Variants in STK33 observed in about 807,000 individuals in gnomAD.
The protein encoded by STK33 is serine/threonine-protein kinase 33.
STK33 carries 52 observed loss-of-function variants against 58.0 expected under a neutral mutation model. The ratio of observed to expected loss-of-function variants is 0.90; its 90% CI spans 0.72 to 1.13. STK33 has a LOEUF of 1.13. STK33 is among the 50% of genes most tolerant of loss of function. The probability of loss-of-function intolerance (pLI) is 0.00; values close to 1 mark genes in which losing one functional copy is unlikely to be tolerated. For missense variants in STK33, 630 were observed against 604.2 expected, an observed-to-expected ratio of 1.04 and a Z score of -0.45; for synonymous variants, 215 against 200.1, an observed-to-expected ratio of 1.07 and a Z score of -0.63.
rs1156835375 is a variant in STK33 at position 8,455,810 on chromosome 11, CAAAAAAAA to C, written c.698-986_698-979del. Among the ~76,000 whole-genome samples the C allele has an allele frequency of 6.5e-3, 306 of 47,132 alleles. 4 individuals carry two copies. Among genetic ancestry groups the C allele is most frequent in the African/African-American group, 0.024 (294 of 12,410 alleles). 30.9% of individuals were successfully genotyped at this position (47,132 alleles called of 152,430 possible). A position where few individuals can be genotyped will look rare whatever the true frequency, so the allele number is the denominator to read the frequency against. On this transcript the variant is annotated intron_variant, in intron 9 of 15. Coordinates refer to ENST00000687296, the MANE Select transcript of STK33 (RefSeq NM_001352389.2). ...TGGGTAACAGAGAGAGACTCTGTCTCAAAAAAAAAAAAAAAAAAAAAAAAAAGTTACAC... is the reference window on the plus strand; with the variant it reads ...TGGGTAACAGAGAGAGACTCTGTCTCAAAAAAAAAAAAAAAAAAGTTACAC...
intron 15 of STK33, among the ~76,000 whole-genome samples, chr11:8,411,726 G>C (rs1038894087): frequency 2.6e-5 from 4 of 152,092 alleles, no homozygotes; most frequent in Non-Finnish European, 5.9e-5. Flanking sequence ...TGTTACCCAC[G>C]GCCCAGCCTT....
chr11:8,580,694 C>A (rs1343853638), intron 1 of STK33: 1 of 152,142 alleles, frequency 6.6e-6, no homozygotes, highest in Non-Finnish European at 1.5e-5. Flanking sequence ...GATGTGATTA[C>A]TATGCATTGC....
intron 14 of STK33, among the ~76,000 whole-genome samples, chr11:8,415,351 T>C (rs952386701): frequency 6.6e-6 from 1 of 152,160 alleles, no homozygotes; most frequent in Non-Finnish European, 1.5e-5. Context: ...TGGTAGAGTT[T>C]CACTTCTCTA....
chr11:8,418,706 C>T (rs540887710), intron 14 of STK33, among the ~76,000 whole-genome samples: 75 of 152,210 alleles, frequency 4.9e-4, no homozygotes, highest in African/African-American at 1.8e-3. Context: ...TTACACTCCA[C>T]GCAACAGTGT....
the STK33 span, among the ~76,000 whole-genome samples, chr11:8,359,341 G>C: frequency 1.3e-5 from 2 of 152,228 alleles, no homozygotes; most frequent in Admixed American, 6.5e-5. Context: ...GTGTTTTCTT[G>C]ATGGGCCCCA....
Position 8,473,221 on chromosome 11 carries a change from C to T in STK33, c.281G>A (p.Gly94Asp). The part of the protein sequence containing the change: ...RKASQQQWGR[G>D]NFTEGKVPHI... ...AGGAACTTTTCCTTCTGTAAAGTTGCCCCGACCCCATTGTTGCTGAGATGC... is the reference window on the plus strand; with the variant it reads ...AGGAACTTTTCCTTCTGTAAAGTTGTCCCGACCCCATTGTTGCTGAGATGC... Residue 94 changes from glycine (G) to aspartate (D), a missense_variant, in exon 6 of 16, where the codon GGC becomes GAC. Coordinates refer to ENST00000687296, the MANE Select transcript of STK33 (RefSeq NM_001352389.2). The T allele has an allele frequency of 6.2e-7, 1 of 1,613,378 alleles. No homozygotes were observed. Among genetic ancestry groups the T allele is most frequent in the South Asian group, 1.1e-5 (1 of 91,026 alleles).
the STK33 span, among the ~76,000 whole-genome samples, chr11:8,339,801 A>G: frequency 1.3e-5 from 2 of 152,324 alleles, no homozygotes; most frequent in African/African-American, 4.8e-5. Context: ...GGGGCAGGAC[A>G]CAGCCTCCAA....
intron 1 of STK33, among the ~76,000 whole-genome samples, chr11:8,587,587 TA>T (rs11312849): frequency 0.45 from 63,986 of 141,384 alleles, 14,528 homozygotes; most frequent in South Asian, 0.63. Context: ...CAATGGAAGG[TA>T]AAAAAAAAAA....
chr11:8,345,564 C>T, the STK33 span, among the ~76,000 whole-genome samples: 3 of 152,196 alleles, frequency 2.0e-5, no homozygotes, highest in South Asian at 4.1e-4. Context: ...TTTGGGTGTG[C>T]CAGCAAGCCA....
chr11:8,493,186 T>C (rs947627027), intron 1 of STK33, among the ~76,000 whole-genome samples: 7 of 151,260 alleles, frequency 4.6e-5, no homozygotes, highest in Admixed American at 1.3e-4. Context: ...ATCAACACAA[T>C]TGATGGACCG....
the STK33 span, among the ~76,000 whole-genome samples, chr11:8,344,198 A>AACACACACAC: frequency 0.05 from 6,865 of 137,136 alleles, 317 homozygotes; most frequent in African/African-American, 0.12. Context: ...AAACAAACAA[A>AACACACACAC]ACACACACAC....
chr11:8,477,667 T>C (rs12274524), intron 2 of STK33, among the ~76,000 whole-genome samples: 1,811 of 148,046 alleles, frequency 0.012, 21 homozygotes, highest in African/African-American at 0.041. Flanking sequence ...TTAAGATAGA[T>C]TTTGGGGGAT....
At chr11:8,540,148 T>C (rs1955392637) in intron 1 of STK33, among the ~76,000 whole-genome samples, 1 of 151,976 alleles carries the variant, frequency 6.6e-6, no homozygotes, top group African/African-American at 2.4e-5. Context: ...ATAGCCAAGA[T>C]ATGAAAAAAC....
At chr11:8,590,716 G>A (rs748115431) in intron 1 of STK33, among the ~76,000 whole-genome samples, 11 of 152,098 alleles carry the variant, frequency 7.2e-5, no homozygotes, top group Non-Finnish European at 1.6e-4. Context: ...AATAAACTAA[G>A]AAAATATATA....
intron 11 of STK33, among the ~76,000 whole-genome samples, chr11:8,443,541 G>A (rs1945027781): frequency 1.3e-5 from 2 of 149,990 alleles, no homozygotes; most frequent in South Asian, 2.1e-4. Flanking sequence ...TATTAAACAA[G>A]ACTAAAATTA....
rs113288971 is a variant in STK33, at chr11:8,435,009, G to T, written c.1146+485C>A. On this transcript the variant is annotated intron_variant, in intron 14 of 15. Coordinates refer to ENST00000687296, the MANE Select transcript of STK33 (RefSeq NM_001352389.2). ...CGAAGATCAGTAAGACACAAGGTCT[G>T]TGCTTGAAGCATTAGTCTAATGGCA... Among the ~76,000 whole-genome samples, 668 of 152,272 alleles carry T rather than the reference G, an allele frequency of 4.4e-3. 10 individuals carry two copies. Among genetic ancestry groups the T allele is most frequent in the African/African-American group, 0.015 (637 of 41,558 alleles).
chr11:8,554,977 T>C (rs1329955310), intron 1 of STK33: 1 of 152,152 alleles, frequency 6.6e-6, no homozygotes, highest in African/African-American at 2.4e-5. Context: ...CTGGGGGACA[T>C]TATGTTAACT....
intron 1 of STK33, among the ~76,000 whole-genome samples, chr11:8,561,113 T>C (rs1473075802): frequency 2.6e-5 from 4 of 152,230 alleles, no homozygotes; most frequent in Non-Finnish European, 5.9e-5. Context: ...CTTGGTCTAT[T>C]TTTAAATAGA....
intron 14 of STK33, among the ~76,000 whole-genome samples, chr11:8,416,766 G>A (rs1941188870): frequency 6.6e-6 from 1 of 152,144 alleles, no homozygotes; most frequent in Admixed American, 6.6e-5. Flanking sequence ...GTGGAGAAAA[G>A]CAAAGGATCC....
Sources: allele counts gnomAD v4.1 joint callset (sites outside exome capture counted in the v4.1 genomes callset), GRCh38; gene constraint gnomAD v4.1.1; transcripts MANE v1.5; gene names NCBI Gene and HGNC (gene_info 2026-07-23, HGNC 2026-07-21).